MROH9: variants seen among roughly 807,000 people sequenced by gnomAD.
MROH9 encodes the protein maestro heat-like repeat-containing protein family member 9.
MROH9 carries 92 observed loss-of-function variants against 98.2 expected under a neutral mutation model. The ratio of observed to expected loss-of-function variants is 0.94; its 90% CI spans 0.79 to 1.11. The LOEUF (loss-of-function observed/expected upper bound fraction) is 1.11, where lower values mean the gene tolerates loss of function less well. Among genes scored for constraint, MROH9 ranks in the 50% most tolerant of loss-of-function variants. MROH9 has a pLI of 0.00. For missense variants in MROH9, 1,057 were observed against 1,014.8 expected (o/e 1.04, Z -0.57); for synonymous variants, 397 against 368.9 (o/e 1.08, Z -0.87).
chr1:171,052,387 A>C (rs1653697565), intron 20 of MROH9, among the ~76,000 whole-genome samples: 1 of 152,124 alleles, frequency 6.6e-6, no homozygotes, highest in African/African-American at 2.4e-5. Context: ...CCAGGGGGTA[A>C]AGCACCCAGT....
At chr1:171,041,882 A>G (rs922660551) in intron 20 of MROH9, among the ~76,000 whole-genome samples, 1 of 151,936 alleles carries the variant, frequency 6.6e-6, no homozygotes, top group Admixed American at 6.6e-5. Context: ...TAGTAGGTGT[A>G]TATATTTATG....
In MROH9 at chr1:170,996,455, T is replaced by C. The variant is rs56363881; in HGVS notation, c.1338-52T>C. 14 of 1,598,658 alleles carry C rather than the reference T, an allele frequency of 8.8e-6. No individual in the cohort carries two copies. The Admixed American group carries it at 2.1e-4, about 24-fold the overall frequency. On this transcript the variant is annotated intron_variant, in intron 13 of 21. Transcript: ENST00000367759. ...TAAAAGGCAGGTAATGTGTATTTAGTTTTTTGAATATCACCGGCATGTGAT... is the reference window on the plus strand; with the variant it reads ...TAAAAGGCAGGTAATGTGTATTTAGCTTTTTGAATATCACCGGCATGTGAT...
At chr1:171,013,269 C>G in intron 15 of MROH9, among the ~76,000 whole-genome samples, 1 of 152,182 alleles carries the variant, frequency 6.6e-6, no homozygotes, top group African/African-American at 2.4e-5. Context: ...CTGTTTGGAA[C>G]AGGGCTGCAC....
intron 20 of MROH9, among the ~76,000 whole-genome samples, chr1:171,057,525 C>A (rs1571174664): frequency 6.6e-6 from 1 of 152,118 alleles, no homozygotes; most frequent in African/African-American, 2.4e-5. Context: ...CGAAAGGAAA[C>A]AAGCTGGAAA....
chr1:171,010,384 C>T (rs1652109143), intron 15 of MROH9, among the ~76,000 whole-genome samples: 1 of 152,080 alleles, frequency 6.6e-6, no homozygotes, highest in Non-Finnish European at 1.5e-5. Flanking sequence ...GTGAATAGTG[C>T]TAGAATAAAC....
At chr1:170,945,164 G>T (rs1036447677) in intron 1 of MROH9, among the ~76,000 whole-genome samples, 3 of 151,806 alleles carry the variant, frequency 2.0e-5, no homozygotes, top group Non-Finnish European at 4.4e-5. Context: ...AGCCAGCAAA[G>T]TAATAGGTTC....
chr1:170,978,787 A>G (rs1426983918), intron 8 of MROH9, among the ~76,000 whole-genome samples: 1 of 152,102 alleles, frequency 6.6e-6, no homozygotes, highest in Non-Finnish European at 1.5e-5. Flanking sequence ...CCTGTGTGGA[A>G]AATAGCCCAG....
At chr1:171,025,854 G>A (rs1652692221) in intron 20 of MROH9, among the ~76,000 whole-genome samples, 1 of 151,518 alleles carries the variant, frequency 6.6e-6, no homozygotes, top group African/African-American at 2.4e-5. Context: ...GAAACAGGCA[G>A]GGGCAACCCA....
chr1:171,062,702 A>G (rs968025555), intron 21 of MROH9, among the ~76,000 whole-genome samples: 1 of 152,212 alleles, frequency 6.6e-6, no homozygotes, highest in African/African-American at 2.4e-5. Flanking sequence ...GGTCTTAGGA[A>G]TCTCCCTTAG....
chr1:171,028,055 T>G (rs767702845), intron 20 of MROH9, among the ~76,000 whole-genome samples: 26 of 152,218 alleles, frequency 1.7e-4, no homozygotes, highest in Admixed American at 4.6e-4. Context: ...TATTTGTCAA[T>G]TTTGGCTTTT....
chr1:170,964,760 A>G (rs7542070), intron 6 of MROH9, among the ~76,000 whole-genome samples: 12,138 of 152,060 alleles, frequency 0.08, 622 homozygotes, highest in Non-Finnish European at 0.11. Flanking sequence ...AAGATTTTAA[A>G]TCTCTTTAAA....
intron 5 of MROH9, among the ~76,000 whole-genome samples, chr1:170,961,595 T>G (rs1160944787): frequency 2.0e-5 from 3 of 152,164 alleles, no homozygotes; most frequent in African/African-American, 7.2e-5. Flanking sequence ...TACAGAAAAT[T>G]TAAATATTAT....
At chr1:170,982,923 AG>A (rs1280261192) in intron 8 of MROH9, among the ~76,000 whole-genome samples, 1 of 152,182 alleles carries the variant, frequency 6.6e-6, no homozygotes, top group Non-Finnish European at 1.5e-5. Flanking sequence ...AAACAAAATC[AG>A]TAAATAAATG....
Position 170,983,552 on chromosome 1 carries a change from T to G in MROH9, c.729+18T>G, listed in dbSNP as rs1557884568. ...TAGCTCAGGTAACTTAGCCCCCACT[T>G]TTTCCGAGGGCTTTTGTTTATGTGT... On this transcript the variant is annotated intron_variant, in intron 9 of 21. Coordinates refer to ENST00000367759, the MANE Select transcript of MROH9 (RefSeq NM_001163629.2). 1 of 1,433,036 alleles carries G rather than the reference T, an allele frequency of 7.0e-7. No individual in the cohort carries two copies. Among genetic ancestry groups the G allele is most frequent in the Non-Finnish European group, 9.8e-7 (1 of 1,018,316 alleles). The allele number at this position is 1,433,036 out of a possible 1,614,324, so 88.8% of individuals were successfully genotyped here. A position where few individuals can be genotyped will look rare whatever the true frequency, so the allele number is the denominator to read the frequency against.
intron 10 of MROH9, among the ~76,000 whole-genome samples, chr1:170,987,918 A>C (rs1249021440): frequency 6.6e-6 from 1 of 152,168 alleles, no homozygotes; most frequent in African/African-American, 2.4e-5. Context: ...TTTTTAAAGT[A>C]GGTTACAGTT....
At chr1:171,051,510 T>C (rs535051611) in intron 20 of MROH9, among the ~76,000 whole-genome samples, 8 of 152,224 alleles carry the variant, frequency 5.3e-5, no homozygotes, top group African/African-American at 1.9e-4. Flanking sequence ...ACATCACATA[T>C]TCTCACTTAT....
In MROH9 at chr1:171,032,290, A is replaced by T. The variant is rs539826280; in HGVS notation, c.2281+6870A>T. 3.3e-3 allele frequency among the ~76,000 whole-genome samples: 501 copies of T among 152,314 alleles called. 1 individual carries two copies. The highest frequency in any genetic ancestry group is 0.012 in the African/African-American group (482 of 41,572). On this transcript the variant is annotated intron_variant, in intron 20 of 21. Coordinates refer to ENST00000367759, the MANE Select transcript of MROH9 (RefSeq NM_001163629.2). ...GAAGGCTACTACTGTCGATTCATCCATCTGATCCTCTGTCCAGTTCTGTGT... is the reference window on the plus strand; with the variant it reads ...GAAGGCTACTACTGTCGATTCATCCTTCTGATCCTCTGTCCAGTTCTGTGT...
chr1:171,030,790 T>C (rs1652880195), intron 20 of MROH9, among the ~76,000 whole-genome samples: 2 of 152,230 alleles, frequency 1.3e-5, no homozygotes, highest in Non-Finnish European at 1.5e-5. Context: ...GTTCTGCATA[T>C]GTCTATTGGG....
Position 170,998,246 on chromosome 1 carries a change from C to G in MROH9, c.1568C>G (p.Thr523Ser). 1 of 1,613,466 alleles carries G rather than the reference C, an allele frequency of 6.2e-7. No individual in the cohort carries two copies. Among genetic ancestry groups the G allele is most frequent in the South Asian group, 1.1e-5 (1 of 91,064 alleles). ...GAAGGTCCTAGAAGGTCAGAAGACA[C>G]TGTCATCGTATTAATATTCCTCACT... is the stretch of plus-strand genomic sequence containing the variant. ...SVEGPRRSEDTVIVLIFLTEL... is the reference protein window; with the variant it reads ...SVEGPRRSEDSVIVLIFLTEL... Residue 523 changes from threonine to serine, a missense_variant, in exon 15 of 22, where the codon ACT (threonine) becomes AGT (serine). Thr to Ser is a moderately conservative substitution (Grantham distance 58, BLOSUM62 1). Coordinates refer to ENST00000367759, the MANE Select transcript of MROH9 (RefSeq NM_001163629.2).
Sources: allele counts gnomAD v4.1 joint callset (sites outside exome capture counted in the v4.1 genomes callset), GRCh38; gene constraint gnomAD v4.1.1; transcripts MANE v1.5; gene names NCBI Gene and HGNC (gene_info 2026-07-23, HGNC 2026-07-21).